Variants in ADGRB3 observed in about 807,000 individuals in gnomAD.
ADGRB3 encodes the protein adhesion G protein-coupled receptor B3, also known as brain-specific angiogenesis inhibitor 3.
Under a neutral mutation model 193.4 loss-of-function variants are expected in ADGRB3, and 37 were observed. The observed-to-expected ratio is 0.19, with a 90% CI of 0.15 to 0.25. The LOEUF is 0.25. ADGRB3 is among the 10% of genes least tolerant of loss of function. ADGRB3 has a pLI of 1.00. For synonymous variants in ADGRB3, 690 were observed against 644.2 expected (o/e 1.07, Z -1.08); for missense variants, 1,637 against 1,852.9 (o/e 0.88, Z 2.14).
At chr6:68,932,184 A>G (rs995489212) in intron 4 of ADGRB3, among the ~76,000 whole-genome samples, 3 of 152,134 alleles carry the variant, frequency 2.0e-5, no homozygotes, top group Non-Finnish European at 4.4e-5. Flanking sequence ...GGTGTATTTT[A>G]TTTGTGCAAA....
intron 17 of ADGRB3, 140 bp from the exon 18 acceptor site, chr6:69,233,150 T>C (rs781619038): frequency 1.3e-5 from 16 of 1,228,102 alleles, no homozygotes; most frequent in Non-Finnish European, 1.7e-5. Context: ...TTACATCCTG[T>C]TCAACAACAA....
chr6:68,830,967 A>AAG (rs1767940792), intron 3 of ADGRB3, among the ~76,000 whole-genome samples: 1 of 151,564 alleles, frequency 6.6e-6, no homozygotes, highest in African/African-American at 2.4e-5. Context: ...AAAAAAAAAA[A>AAG]AGAGAATGCT....
chr6:68,907,284 TATTA>T (rs1290352334), intron 3 of ADGRB3, among the ~76,000 whole-genome samples: 1 of 151,996 alleles, frequency 6.6e-6, no homozygotes, highest in South Asian at 2.1e-4. Context: ...ACAATGAAAT[TATTA>T]ATTCTACTGG....
At chr6:68,818,069 G>A (rs2127379043) in intron 3 of ADGRB3, among the ~76,000 whole-genome samples, 1 of 152,096 alleles carries the variant, frequency 6.6e-6, no homozygotes, top group East Asian at 1.9e-4. Context: ...TGAATAAAGT[G>A]GCTTTAGGTT....
chr6:68,784,790 A>G (rs539331904), intron 3 of ADGRB3, among the ~76,000 whole-genome samples: 1 of 152,274 alleles, frequency 6.6e-6, no homozygotes, highest in African/African-American at 2.4e-5. Flanking sequence ...CATTTGAGTT[A>G]TATCTCATCT....
intron 3 of ADGRB3, among the ~76,000 whole-genome samples, chr6:68,646,747 G>A (rs1338747318): frequency 1.3e-5 from 2 of 152,160 alleles, no homozygotes; most frequent in Non-Finnish European, 2.9e-5. Context: ...ATGCTACATA[G>A]CAGTTATATG....
chr6:68,758,941 T>G (rs1186324233), intron 3 of ADGRB3, among the ~76,000 whole-genome samples: 4 of 152,106 alleles, frequency 2.6e-5, no homozygotes, highest in Non-Finnish European at 5.9e-5. Context: ...AGATTGGCAG[T>G]TTTATACATC....
rs189716912 is a variant in ADGRB3, at chr6:68,670,425, A to G, written c.757+30993A>G. Among the ~76,000 whole-genome samples the G allele has an allele frequency of 6.7e-4, 102 of 151,926 alleles. 1 individual carries two copies. In the East Asian group the frequency reaches 0.019, roughly 29 times the overall value. The stretch of plus-strand genomic sequence containing the variant: ...GGTCTTAGATTTAAGTCTTTCATTC[A>G]TTTTGATTTGATTTTTATACTTGAT... On this transcript the variant is annotated intron_variant, in intron 3 of 31. Transcript: ENST00000370598.
intron 3 of ADGRB3, among the ~76,000 whole-genome samples, chr6:68,645,962 C>T (rs1283761729): frequency 6.6e-6 from 1 of 151,956 alleles, no homozygotes; most frequent in Non-Finnish European, 1.5e-5. Flanking sequence ...CAGGAGCCAC[C>T]GTGGCCAGCC....
chr6:68,673,337 G>A (rs1486427921), intron 3 of ADGRB3, among the ~76,000 whole-genome samples: 1 of 152,076 alleles, frequency 6.6e-6, no homozygotes, highest in African/African-American at 2.4e-5. Context: ...ACCCTGGGAA[G>A]TAAGTTTAAT....
intron 3 of ADGRB3, among the ~76,000 whole-genome samples, chr6:68,883,483 C>G (rs998514687): frequency 2.6e-5 from 4 of 152,152 alleles, no homozygotes; most frequent in African/African-American, 7.2e-5. Context: ...TGTTGCTTCT[C>G]GCTCATTGGG....
intron 3 of ADGRB3, among the ~76,000 whole-genome samples, chr6:68,918,421 C>CA (rs777308528): frequency 6.6e-6 from 1 of 152,116 alleles, no homozygotes; most frequent in Non-Finnish European, 1.5e-5. Flanking sequence ...TCTGAAAATA[C>CA]AAAATCACTG....
At chr6:69,279,648 A>G (rs1767391041) in intron 20 of ADGRB3, among the ~76,000 whole-genome samples, 1 of 152,146 alleles carries the variant, frequency 6.6e-6, no homozygotes, top group Admixed American at 6.6e-5. Flanking sequence ...TACCATTGTC[A>G]AGATTAATAC....
At chr6:69,275,265 A>AATTT (rs1440317317) in intron 20 of ADGRB3, among the ~76,000 whole-genome samples, 2 of 152,160 alleles carry the variant, frequency 1.3e-5, no homozygotes, top group Non-Finnish European at 2.9e-5. Context: ...TCACAGTTTG[A>AATTT]ATTTTCATGA....
intron 11 of ADGRB3, among the ~76,000 whole-genome samples, chr6:69,010,253 A>G (rs1369112903): frequency 1.3e-5 from 2 of 152,054 alleles, no homozygotes; most frequent in Non-Finnish European, 1.5e-5. Context: ...ACCAGAGCAC[A>G]TTCTTAGAAA....
chr6:68,819,298 C>T (rs1404292291), intron 3 of ADGRB3, among the ~76,000 whole-genome samples: 1 of 151,794 alleles, frequency 6.6e-6, no homozygotes, highest in Non-Finnish European at 1.5e-5. Context: ...TCTCATCGCT[C>T]TCCTCCTCAA....
At chr6:69,045,779 C>T (rs1771217308) in intron 13 of ADGRB3, among the ~76,000 whole-genome samples, 1 of 152,058 alleles carries the variant, frequency 6.6e-6, no homozygotes, top group African/African-American at 2.4e-5. Context: ...CATTACATTC[C>T]TACTGTAGTT....
intron 17 of ADGRB3, among the ~76,000 whole-genome samples, chr6:69,163,577 C>A (rs2150345350): frequency 6.6e-6 from 1 of 152,078 alleles, no homozygotes; most frequent in South Asian, 2.1e-4. Context: ...GATAGGAGAT[C>A]ATAGATATAA....
intron 20 of ADGRB3, among the ~76,000 whole-genome samples, chr6:69,299,868 C>A (rs1288786571): frequency 6.6e-6 from 1 of 151,598 alleles, no homozygotes; most frequent in Non-Finnish European, 1.5e-5. Context: ...TATTCTGAGT[C>A]TTTTGTGATT....
Sources: gnomAD v4.1 joint callset for allele counts (sites outside exome capture counted in the v4.1 genomes callset) on GRCh38, gnomAD v4.1.1 for gene constraint, MANE v1.5 for transcripts, NCBI Gene and HGNC (gene_info 2026-07-23, HGNC 2026-07-21) for gene names.